ERC2: variants seen among roughly 807,000 people sequenced by gnomAD.
The protein encoded by ERC2 is ERC protein 2.
In ERC2, 42 loss-of-function variants were observed where a neutral mutation model predicts 114.8. The observed-to-expected ratio is 0.37, with a 90% confidence interval of 0.29 to 0.47. The LOEUF is 0.47. Among genes scored for constraint, ERC2 ranks in the 20% least tolerant of loss-of-function variants. ERC2 has a pLI of 0.99. For missense variants in ERC2, 939 were observed against 1,150.7 expected (o/e 0.82, Z 2.66); for synonymous variants, 454 against 425.5 (o/e 1.07, Z -0.82).
intron 17 of ERC2, among the ~76,000 whole-genome samples, chr3:55,603,878 A>G (rs1248686645): frequency 1.3e-5 from 2 of 152,128 alleles, no homozygotes; most frequent in Non-Finnish European, 2.9e-5. Flanking sequence ...ACAAAATCCA[A>G]TGAATATGGT....
At chr3:55,818,622 C>A (rs59480574) in intron 14 of ERC2, among the ~76,000 whole-genome samples, 1 of 152,190 alleles carries the variant, frequency 6.6e-6, no homozygotes, top group Non-Finnish European at 1.5e-5. Context: ...ACCTAACTAT[C>A]TTGACTTTGT....
At chr3:56,371,563 C>T (rs1393330764) in intron 2 of ERC2, among the ~76,000 whole-genome samples, 3 of 152,230 alleles carry the variant, frequency 2.0e-5, no homozygotes, top group African/African-American at 4.8e-5. Context: ...CACCCAACCA[C>T]ATGCATGCAC....
chr3:56,382,969 C>T (rs1378761822), intron 2 of ERC2, among the ~76,000 whole-genome samples: 1 of 152,160 alleles, frequency 6.6e-6, no homozygotes, highest in African/African-American at 2.4e-5. Context: ...CAGTAAATGA[C>T]AACTGCATCC....
In ERC2 at chr3:55,985,969, T is replaced by C. The variant is rs1403800041; in HGVS notation, c.2267+8A>G. ...AAGGCAGTTAGAAGAAAAACTGAAA[T>C]TACTGACCTGAGAGTCAAGCTGATT... On this transcript the variant is annotated splice_region_variant and intron_variant, in intron 12 of 17. Transcript: ENST00000288221. 6.5e-7 allele frequency: 1 copy of C among 1,539,906 alleles called. No individual in the cohort carries two copies. Among genetic ancestry groups the C allele is most frequent in the Non-Finnish European group, 8.7e-7 (1 of 1,148,334 alleles).
In ERC2 at chr3:56,296,187, A is replaced by G. The variant is rs1332372346; in HGVS notation, c.906T>C (p.Asp302=). Residue 302 remains aspartate, a synonymous_variant, in exon 3 of 18, where the codon GAT becomes GAC. Coordinates refer to ENST00000288221, the MANE Select transcript of ERC2 (RefSeq NM_015576.3). Reference sequence around the variant, plus strand: ...TCTCAAGAAGTTTTTTAATTGACTCATCTCGGGCATTGAGGGTTTGTTTCT... The same window carrying G: ...TCTCAAGAAGTTTTTTAATTGACTCGTCTCGGGCATTGAGGGTTTGTTTCT... ...ETQKQTLNAR[D]ESIKKLLEML... 1 of 1,613,978 alleles carries G rather than the reference A, an allele frequency of 6.2e-7. No individual in the cohort carries two copies. Among genetic ancestry groups the G allele is most frequent in the South Asian group, 1.1e-5 (1 of 91,072 alleles).
chr3:55,917,697 T>TA (rs1474935416), intron 13 of ERC2, among the ~76,000 whole-genome samples: 1 of 152,150 alleles, frequency 6.6e-6, no homozygotes, highest in African/African-American at 2.4e-5. Context: ...CCTTTTGAGG[T>TA]AACAAAAATG....
intron 12 of ERC2, among the ~76,000 whole-genome samples, chr3:55,980,926 C>T (rs1215367154): frequency 2.6e-5 from 4 of 152,160 alleles, no homozygotes; most frequent in South Asian, 2.1e-4. Flanking sequence ...CAATTGTGTT[C>T]CTTCAGTCTT....
intron 17 of ERC2, among the ~76,000 whole-genome samples, chr3:55,628,489 G>A (rs2059613406): frequency 6.6e-6 from 1 of 152,086 alleles, no homozygotes. Flanking sequence ...TATTTTTGTT[G>A]TTGCTATTTT....
intron 14 of ERC2, among the ~76,000 whole-genome samples, chr3:55,772,133 C>T (rs915210844): frequency 2.0e-5 from 3 of 152,062 alleles, no homozygotes; most frequent in South Asian, 2.1e-4. Flanking sequence ...TTAGAATTAC[C>T]ATTTATTTTA....
intron 8 of ERC2, among the ~76,000 whole-genome samples, chr3:56,017,579 C>T (rs1328430612): frequency 6.6e-6 from 1 of 152,142 alleles, no homozygotes; most frequent in African/African-American, 2.4e-5. Flanking sequence ...CCAGGGCTTT[C>T]TCCCTCCACA....
At chr3:56,253,820 C>T (rs1296179229) in intron 3 of ERC2, among the ~76,000 whole-genome samples, 1 of 152,218 alleles carries the variant, frequency 6.6e-6, no homozygotes, top group East Asian at 1.9e-4. Context: ...CTGAGGATAA[C>T]TTGAGCCCAG....
intron 17 of ERC2, among the ~76,000 whole-genome samples, chr3:55,515,045 T>C (rs553593505): frequency 6.6e-6 from 1 of 152,044 alleles, no homozygotes; most frequent in Non-Finnish European, 1.5e-5. Context: ...CAGAAACAAA[T>C]AGACACACAG....
intron 4 of ERC2, among the ~76,000 whole-genome samples, chr3:56,151,583 TAAA>T (rs968682334): frequency 3.9e-5 from 6 of 152,066 alleles, no homozygotes; most frequent in African/African-American, 1.4e-4. Flanking sequence ...AGCATGAAAA[TAAA>T]AAGCAAGTAA....
chr3:55,974,620 G>C (rs1172333595), intron 12 of ERC2, among the ~76,000 whole-genome samples: 1 of 152,126 alleles, frequency 6.6e-6, no homozygotes, highest in Non-Finnish European at 1.5e-5. Flanking sequence ...ATCTTAAGCA[G>C]GCAGAAGGAT....
chr3:55,534,178 G>A (rs998731654), intron 17 of ERC2, among the ~76,000 whole-genome samples: 6 of 152,214 alleles, frequency 3.9e-5, no homozygotes, highest in African/African-American at 1.4e-4. Context: ...CAGCACTTTG[G>A]AAGGCCAAGG....
intron 6 of ERC2, among the ~76,000 whole-genome samples, chr3:56,097,325 A>T (rs2078114232): frequency 6.6e-6 from 1 of 152,180 alleles, no homozygotes. Flanking sequence ...ATTAGAGTCA[A>T]CCTACATATA....
In ERC2 at chr3:56,338,628, A is replaced by G. The variant is rs529676070; in HGVS notation, c.658-42193T>C. On this transcript the variant is annotated intron_variant, in intron 2 of 17. Transcript: ENST00000288221. ...CAAAGAAGAGTGAGTGAAGACGCCT[A>G]TAATTAGCACAAGCAAGAAATGAAG... 3.9e-5 allele frequency among the ~76,000 whole-genome samples: 6 copies of G among 152,372 alleles called. No homozygotes were observed. In the South Asian group the frequency reaches 8.3e-4, roughly 21 times the overall value.
chr3:55,940,534 C>A (rs986195234), intron 13 of ERC2, among the ~76,000 whole-genome samples: 2 of 152,098 alleles, frequency 1.3e-5, no homozygotes, highest in African/African-American at 4.8e-5. Context: ...CACGCAGCAG[C>A]CCAGTAATGC....
chr3:55,597,853 A>T (rs1175935156), intron 17 of ERC2, among the ~76,000 whole-genome samples: 1 of 152,212 alleles, frequency 6.6e-6, no homozygotes, highest in Admixed American at 6.5e-5. Context: ...TTACATCAGG[A>T]TTACTTGTGT....
Sources: allele counts gnomAD v4.1 joint callset (sites outside exome capture counted in the v4.1 genomes callset), GRCh38; gene constraint gnomAD v4.1.1; transcripts MANE v1.5; gene names NCBI Gene and HGNC (gene_info 2026-07-23, HGNC 2026-07-21).